The following MLXIPL variants were observed in gnomAD, a reference collection of about 807,000 sequenced individuals.
MLXIPL encodes the protein carbohydrate-responsive element-binding protein.
In MLXIPL, 49 loss-of-function variants were observed where a neutral mutation model predicts 81.5. The ratio of observed to expected loss-of-function variants is 0.60; its 90% CI spans 0.48 to 0.76. MLXIPL has a LOEUF of 0.76. Ranked by LOEUF, MLXIPL falls within the 30% of genes least tolerant of loss-of-function variation. The pLI is 0.00. For missense variants in MLXIPL, 1,053 were observed against 1,167.0 expected (o/e 0.90, Z 1.42); for synonymous variants, 466 against 485.5 (o/e 0.96, Z 0.53).
rs782610313 is a variant in MLXIPL at position 73,624,191 on chromosome 7, C to T, written c.293+9G>A. The T allele has an allele frequency of 4.5e-5, 70 of 1,572,816 alleles. No homozygotes were observed. Among genetic ancestry groups the T allele is most frequent in the Non-Finnish European group, 5.8e-5 (67 of 1,161,052 alleles). On this transcript the variant is annotated intron_variant, in intron 1 of 16. Coordinates refer to ENST00000313375, the MANE Select transcript of MLXIPL (RefSeq NM_032951.3). ...AGCCAAGGCCGTCAGGGCCCGGAAC[C>T]GCCCTCACCTGTAGGCCAGGCTCAA...
In MLXIPL at chr7:73,596,429, T is replaced by G. The variant is rs1554593894; in HGVS notation, c.1873A>C (p.Thr625Pro). The G allele has an allele frequency of 6.2e-7, 1 of 1,612,102 alleles. No homozygotes were observed. The highest frequency in any genetic ancestry group is 1.3e-5 in the African/African-American group (1 of 74,682). ...GDLSSMPGPG[T>P]LSVRVSPPQP... ...GGGGGAGAGACACGGACGCTCAGAG[T>G]CCCAGGGCCTGGCATGGAGCTGAGG... The change falls in exon 12 of 17, where the codon ACT (threonine) becomes CCT (proline). Residue 625 changes from threonine (T) to proline (P), a missense_variant. Transcript: ENST00000313375. The surrounding 1 kb of genome is among the most constrained non-coding windows in gnomAD (Gnocchi z 4.7).
Position 73,616,079 on chromosome 7 carries a change from T to C in MLXIPL, c.392A>G (p.Tyr131Cys). 1 of 1,613,676 alleles carries C rather than the reference T, an allele frequency of 6.2e-7. No individual in the cohort carries two copies. Among genetic ancestry groups the C allele is most frequent in the Non-Finnish European group, 8.5e-7 (1 of 1,179,740 alleles). ...TGGTGGTAGCCACTCACACTGGATA[T>C]ACCAGGCCCTCCAGATGGCGTTGTT... The part of the protein sequence containing the change: ...RLNNAIWRAW[Y>C]IQYVKRRKSP... The change falls in exon 2 of 17, where the codon TAT (tyrosine) becomes TGT (cysteine). Residue 131 changes from tyrosine to cysteine, a missense_variant. Tyr to Cys is a radical substitution (Grantham distance 194). This residue lies in a region of MLXIPL where 226 missense variants were observed against 216.2 expected (regional missense o/e 1.05). Transcript: ENST00000313375.
chr7:73,618,582 G>A (rs930100885), intron 1 of MLXIPL, among the ~76,000 whole-genome samples: 1 of 151,874 alleles, frequency 6.6e-6, no homozygotes, highest in African/African-American at 2.4e-5. Context: ...GGTGGGGGTG[G>A]GGGACTGCCC....
chr7:73,644,977 T>C, the MLXIPL span, among the ~76,000 whole-genome samples: 1 of 152,106 alleles, frequency 6.6e-6, no homozygotes, highest in Non-Finnish European at 1.5e-5. Flanking sequence ...CAAGAACTTT[T>C]GTGACTACCC....
At chr7:73,637,151 C>G in the MLXIPL span, among the ~76,000 whole-genome samples, 1 of 151,602 alleles carries the variant, frequency 6.6e-6, no homozygotes. Flanking sequence ...TTGTATTTTG[C>G]ATACTCACAA....
upstream of MLXIPL, chr7:73,624,673 TCTGGAGCTCTGGCG>T: frequency 1.6e-6 from 2 of 1,229,722 alleles, no homozygotes; most frequent in Non-Finnish European, 2.1e-6. Context: ...AACCCGGTGC[TCTGGAGCTCTGGCG>T]GGTTGGCCCC....
At chr7:73,635,867 A>G in the MLXIPL span, among the ~76,000 whole-genome samples, 38 of 152,310 alleles carry the variant, frequency 2.5e-4, no homozygotes, top group South Asian at 8.3e-4. Context: ...CCCACCCAGT[A>G]CACATATTAA....
chr7:73,617,574 G>A (rs1405161800), intron 1 of MLXIPL, among the ~76,000 whole-genome samples: 1 of 152,058 alleles, frequency 6.6e-6, no homozygotes, highest in Admixed American at 6.6e-5. Flanking sequence ...GCTGGGCGCG[G>A]TAGCTCACGG....
chr7:73,614,249 C>G lies in MLXIPL; in HGVS notation c.400+1822G>C, dbSNP rs529947549. On this transcript the variant is annotated intron_variant, in intron 2 of 16. Transcript: ENST00000313375. ...CAAAACAAAACCAAACAAACCCCCC[C>G]CACCGCCATAATTTGGAGTTGGGGA... 9.9e-5 allele frequency among the ~76,000 whole-genome samples: 15 copies of G among 152,168 alleles called. No individual in the cohort carries two copies. In the East Asian group the frequency reaches 2.7e-3, roughly 27 times the overall value.
chr7:73,624,439 C>A lies in MLXIPL; in HGVS notation c.54G>T (p.Ala18=). ...LAAGLQVPRV[A]PSPDSDSDTD... is the part of the protein sequence containing the mutation. ...TGTCCGAGTCCGAGTCTGGGCTGGGCGCGACCCGCGGGACCTGCAAGCCCG... is the reference window on the plus strand; with the variant it reads ...TGTCCGAGTCCGAGTCTGGGCTGGGAGCGACCCGCGGGACCTGCAAGCCCG... Residue 18 remains alanine (A), a synonymous_variant, in exon 1 of 17, where the codon GCG becomes GCT. Coordinates refer to ENST00000313375, the MANE Select transcript of MLXIPL (RefSeq NM_032951.3). 1.3e-6 allele frequency: 2 copies of A among 1,555,940 alleles called. No individual in the cohort carries two copies. The highest frequency in any genetic ancestry group is 1.7e-6 in the Non-Finnish European group (2 of 1,158,550).
At chr7:73,642,848 C>T in the MLXIPL span, among the ~76,000 whole-genome samples, 1 of 152,246 alleles carries the variant, frequency 6.6e-6, no homozygotes, top group African/African-American at 2.4e-5. Flanking sequence ...AACGCATTCT[C>T]CAACCCTCTC....
chr7:73,619,550 GCC>G (rs1490396288), intron 1 of MLXIPL, among the ~76,000 whole-genome samples: 1 of 151,476 alleles, frequency 6.6e-6, no homozygotes, highest in East Asian at 1.9e-4. Context: ...GATCGCTTGA[GCC>G]CAGGAGTTCA....
At chr7:73,622,560 A>G (rs2116526127) in intron 1 of MLXIPL, among the ~76,000 whole-genome samples, 1 of 151,622 alleles carries the variant, frequency 6.6e-6, no homozygotes, top group African/African-American at 2.4e-5. Flanking sequence ...CTGGTCTCCA[A>G]CTCCTGGGCT....
rs782449502 is a variant in MLXIPL, at chr7:73,596,227, G to T, written c.1984C>A (p.Arg662Ser). 1 of 1,613,416 alleles carries T rather than the reference G, an allele frequency of 6.2e-7. No individual in the cohort carries two copies. Among genetic ancestry groups the T allele is most frequent in the Admixed American group, 1.7e-5 (1 of 59,948 alleles). Residue 662 changes from arginine (R) to serine (S), a missense_variant, in exon 13 of 17, where the codon CGC (arginine) becomes AGC (serine). Around this residue, in one of 3 missense-constraint regions of MLXIPL, gnomAD observed 823 missense variants for 933.0 expected, o/e 0.88. Transcript: ENST00000313375. The surrounding 1 kb of genome is among the most constrained non-coding windows in gnomAD (Gnocchi z 4.7). ...TCAAACCCCAGCTTGATGTTGAAGC[G>T]CCGCTTCTGCTCCGCGGAGATGTGT... is the stretch of plus-strand genomic sequence containing the variant. ...ITHISAEQKRRFNIKLGFDTL... is the reference protein window; with the variant it reads ...ITHISAEQKRSFNIKLGFDTL...
chr7:73,594,764 G>A (rs1452859174), intron 15 of MLXIPL, among the ~76,000 whole-genome samples: 1 of 151,558 alleles, frequency 6.6e-6, no homozygotes, highest in Non-Finnish European at 1.5e-5. Flanking sequence ...GGTCAGGCTG[G>A]TCTCGAACTC....
upstream of MLXIPL, among the ~76,000 whole-genome samples, chr7:73,625,193 A>T (rs1278120162): frequency 6.6e-6 from 1 of 151,986 alleles, no homozygotes; most frequent in Non-Finnish European, 1.5e-5. Flanking sequence ...CCACAACAAA[A>T]GGGTCCCCTA....
Position 73,594,377 on chromosome 7 carries a change from A to T in MLXIPL, c.2337T>A (p.Phe779Leu). ...WVFSILIRPLFESFNGMVSTA... is the reference protein window; with the variant it reads ...WVFSILIRPLLESFNGMVSTA... ...TGGACACCATCCCGTTGAAGGACTC[A>T]AACAGAGGCCGGATGAGGATGCTGA... Residue 779 changes from phenylalanine (F) to leucine (L), a missense_variant, in exon 16 of 17, where the codon TTT becomes TTA. Transcript: ENST00000313375. 3 of 1,606,206 alleles carry T rather than the reference A, an allele frequency of 1.9e-6. No homozygotes were observed. Among genetic ancestry groups the T allele is most frequent in the Non-Finnish European group, 2.5e-6 (3 of 1,179,982 alleles).
the MLXIPL span, among the ~76,000 whole-genome samples, chr7:73,639,555 G>T: frequency 1.3e-5 from 2 of 151,720 alleles, no homozygotes; most frequent in African/African-American, 4.8e-5. Context: ...GAGGCAGGAG[G>T]ATCGTCTGAG....
chr7:73,601,299 G>A (rs72649017), intron 7 of MLXIPL, among the ~76,000 whole-genome samples: 9,350 of 151,652 alleles, frequency 0.062, 341 homozygotes, highest in Middle Eastern at 0.11. Context: ...CTGGCCTCAA[G>A]CCATCCTCCT....
Sources: gnomAD v4.1 joint callset for allele counts (sites outside exome capture counted in the v4.1 genomes callset) on GRCh38, gnomAD v4.1.1 for gene constraint, gnomAD v4.1.1 regional missense constraint, Gnocchi (gnomAD v3.1) non-coding constraint, MANE v1.5 for transcripts, NCBI Gene and HGNC (gene_info 2026-07-23, HGNC 2026-07-21) for gene names.